The following LIN9 variants were observed in gnomAD, a reference collection of about 807,000 sequenced individuals.
LIN9 encodes lin-9 DREAM MuvB core complex component, also known as protein lin-9 homolog.
Under a neutral mutation model 78.0 loss-of-function variants are expected in LIN9, and 18 were observed. The ratio of observed to expected loss-of-function variants is 0.23; its 90% confidence interval spans 0.16 to 0.34. LIN9 has a LOEUF of 0.34. Among genes scored for constraint, LIN9 ranks in the 10% least tolerant of loss-of-function variants. The pLI, the probability that LIN9 is intolerant of heterozygous loss-of-function variation, is 1.00. For missense variants in LIN9, 451 were observed against 644.1 expected, an observed-to-expected ratio of 0.70 and a Z score of 3.25; for synonymous variants, 192 against 215.2, an observed-to-expected ratio of 0.89 and a Z score of 0.94.
intron 4 of LIN9, among the ~76,000 whole-genome samples, chr1:226,294,292 A>AAAC (rs1409573879): frequency 6.6e-6 from 1 of 151,626 alleles, no homozygotes; most frequent in Non-Finnish European, 1.5e-5. Flanking sequence ...AAAAAAAAAA[A>AAAC]AAACCTGGCT....
intron 1 of LIN9, among the ~76,000 whole-genome samples, chr1:226,308,045 AT>A (rs1275067831): frequency 7.9e-5 from 12 of 152,246 alleles, no homozygotes; most frequent in Admixed American, 2.0e-4. Flanking sequence ...AATCGGTAGT[AT>A]GTTGAGTCCT....
At chr1:226,306,087 G>C (rs1662897083) in intron 1 of LIN9, among the ~76,000 whole-genome samples, 1 of 152,082 alleles carries the variant, frequency 6.6e-6, no homozygotes, top group African/African-American at 2.4e-5. Context: ...CACTTTGGGA[G>C]GTTGAGGCGG....
rs77314959 is a variant in LIN9, at chr1:226,279,967, C to T, written c.525-2035G>A. On this transcript the variant is annotated intron_variant, in intron 6 of 14. Coordinates refer to ENST00000681046, the MANE Select transcript of LIN9 (RefSeq NM_001366245.2). ...ATCTAGATCTCATAGGGACCAAGTT[C>T]CATTTCAATATTCTACCCAAAAGAA... Among the ~76,000 whole-genome samples, 631 of 152,214 alleles carry T rather than the reference C, an allele frequency of 4.1e-3. 26 individuals are homozygous for T. The South Asian group carries it at 0.075, about 18-fold the overall frequency.
At chr1:226,267,809 G>A in intron 8 of LIN9, 148 bp downstream of exon 8, 2 of 729,356 alleles carry the variant, frequency 2.7e-6, no homozygotes, top group Non-Finnish European at 4.3e-6. Flanking sequence ...CGAACCAGGG[G>A]TCTAGCAGAT....
chr1:226,291,810 T>A (rs1183804374), intron 4 of LIN9, among the ~76,000 whole-genome samples: 2 of 152,172 alleles, frequency 1.3e-5, no homozygotes, highest in African/African-American at 2.4e-5. Flanking sequence ...ACCAGTTTTT[T>A]CACCAACATC....
rs1052961258 is a variant in LIN9, at chr1:226,265,781, C to A, written c.937-147G>T. Reference sequence around the variant, plus strand: ...GCAATCTCTGACTCCTGGGTTCAAGCGATTCTCCTGCCTCAGCCTCCCGAG... The same window carrying A: ...GCAATCTCTGACTCCTGGGTTCAAGAGATTCTCCTGCCTCAGCCTCCCGAG... On this transcript the variant is annotated intron_variant, in intron 9 of 14. Transcript: ENST00000681046. This position sits in a 1 kb window ranked among gnomAD's most constrained non-coding sequence, Gnocchi z 4.1. 5 of 496,732 alleles carry A rather than the reference C, an allele frequency of 1.0e-5. No homozygotes were observed. Among genetic ancestry groups the A allele is most frequent in the Non-Finnish European group, 1.8e-5 (5 of 280,374 alleles). 30.8% of individuals were successfully genotyped at this position (496,732 alleles called of 1,614,324 possible).
intron 10 of LIN9, among the ~76,000 whole-genome samples, chr1:226,263,327 T>C (rs541686741): frequency 1.3e-5 from 2 of 152,282 alleles, no homozygotes; most frequent in South Asian, 4.1e-4. Context: ...CTGTAACAAA[T>C]GTACCATCTG....
intron 6 of LIN9, 68 bp downstream of exon 6, chr1:226,286,265 G>T: frequency 1.3e-6 from 2 of 1,521,244 alleles, no homozygotes; most frequent in Non-Finnish European, 8.9e-7. Flanking sequence ...AAGTAACTGG[G>T]ATTATAAGTA....
upstream of LIN9, chr1:226,309,427 CG>C (rs915583322): frequency 4.1e-4 from 412 of 1,000,116 alleles, no homozygotes; most frequent in Non-Finnish European, 4.8e-4. Context: ...CGCCGGAGCG[CG>C]GGGGGAGCAG....
chr1:226,272,225 T>C (rs1660326664), intron 7 of LIN9, among the ~76,000 whole-genome samples: 1 of 151,612 alleles, frequency 6.6e-6, no homozygotes, highest in African/African-American at 2.4e-5. Context: ...CCTGGCTAGT[T>C]TTGTGTTTTT....
chr1:226,271,772 A>C (rs1213853923), intron 7 of LIN9, among the ~76,000 whole-genome samples: 1 of 152,184 alleles, frequency 6.6e-6, no homozygotes, highest in Non-Finnish European at 1.5e-5. Context: ...CTTTATTGTT[A>C]GGTATATAGT....
chr1:226,244,634 T>C (rs1658347046), intron 11 of LIN9, among the ~76,000 whole-genome samples: 1 of 152,176 alleles, frequency 6.6e-6, no homozygotes, highest in Admixed American at 6.5e-5. Context: ...AATATGAGCT[T>C]ATAAGGGACA....
intron 8 of LIN9, 81 bp downstream of exon 8, chr1:226,267,876 A>G: frequency 2.9e-6 from 4 of 1,394,382 alleles, no homozygotes; most frequent in Non-Finnish European, 3.9e-6. Flanking sequence ...TGATTCTATC[A>G]TAAAATACGA....
intron 4 of LIN9, among the ~76,000 whole-genome samples, chr1:226,294,832 C>G (rs1315192626): frequency 6.7e-6 from 1 of 150,190 alleles, no homozygotes; most frequent in African/African-American, 2.5e-5. Flanking sequence ...CAGAGTCTTG[C>G]TCTGTTGCCC....
intron 7 of LIN9, among the ~76,000 whole-genome samples, chr1:226,275,355 ACC>A (rs1455940384): frequency 1.3e-5 from 2 of 152,164 alleles, no homozygotes; most frequent in Non-Finnish European, 2.9e-5. Flanking sequence ...AAGTTTGCTG[ACC>A]CCTGCACTAG....
intron 4 of LIN9, among the ~76,000 whole-genome samples, chr1:226,292,554 T>A (rs1227225643): frequency 1.3e-5 from 2 of 152,124 alleles, no homozygotes; most frequent in Non-Finnish European, 2.9e-5. Flanking sequence ...TCTCCTGGGC[T>A]GAAGTGATCC....
At chr1:226,277,603 C>G (rs1164165519) in intron 7 of LIN9, among the ~76,000 whole-genome samples, 172 bp downstream of exon 7, 1 of 152,202 alleles carries the variant, frequency 6.6e-6, no homozygotes, top group Non-Finnish European at 1.5e-5. Flanking sequence ...CCCTGAGCAT[C>G]AACCAGGCTC....
intron 1 of LIN9, among the ~76,000 whole-genome samples, chr1:226,303,895 C>T (rs1056042514): frequency 2.0e-5 from 3 of 152,206 alleles, no homozygotes; most frequent in African/African-American, 2.4e-5. Context: ...CGTGAGCCAC[C>T]GCAACCGGTC....
rs1449555164 is a variant in LIN9, at chr1:226,289,839, G to GT, written c.265-2043_265-2042insA. On this transcript the variant is annotated intron_variant, in intron 4 of 14. Coordinates refer to ENST00000681046, the MANE Select transcript of LIN9 (RefSeq NM_001366245.2). ...AGGACAACTAAGTAGTCCTCCGGGGGGGGGGGTGGGGGGGGGTGGGAAAGC... is the reference window on the plus strand; with the variant it reads ...AGGACAACTAAGTAGTCCTCCGGGGGTGGGGGGTGGGGGGGGGTGGGAAAGC... Among the ~76,000 whole-genome samples the GT allele has an allele frequency of 7.6e-5, 4 of 52,662 alleles. 1 individual carries two copies. The highest frequency in any genetic ancestry group is 5.9e-4 in the East Asian group (1 of 1,688). The allele number at this position is 52,662 out of a possible 152,430, so 34.5% of individuals were successfully genotyped here. A position where few individuals can be genotyped will look rare whatever the true frequency, so the allele number is the denominator to read the frequency against.
Sources: allele counts gnomAD v4.1 joint callset (sites outside exome capture counted in the v4.1 genomes callset), GRCh38; gene constraint gnomAD v4.1.1; non-coding constraint Gnocchi (gnomAD v3.1); transcripts MANE v1.5; gene names NCBI Gene and HGNC (gene_info 2026-07-23, HGNC 2026-07-21).